Variants in VTI1A observed in about 807,000 individuals in gnomAD.
The protein encoded by VTI1A is vesicle transport through interaction with t-SNAREs homolog 1A.
Under a neutral mutation model 34.9 loss-of-function variants are expected in VTI1A, and 22 were observed. The observed-to-expected ratio is 0.63, with a 90% CI of 0.45 to 0.90. The LOEUF (loss-of-function observed/expected upper bound fraction) is 0.90, where lower values mean the gene tolerates loss of function less well. Ranked by LOEUF, VTI1A falls within the 40% of genes least tolerant of loss-of-function variation. The pLI is 0.00. For missense variants in VTI1A, 268 were observed against 275.6 expected, an observed-to-expected ratio of 0.97 and a Z score of 0.20; for synonymous variants, 87 against 97.3, an observed-to-expected ratio of 0.89 and a Z score of 0.62.
Position 112,588,757 on chromosome 10 carries a change from G to A in VTI1A, c.427+50427G>A, listed in dbSNP as rs535673052. Among the ~76,000 whole-genome samples, 30 of 152,300 alleles carry A rather than the reference G, an allele frequency of 2.0e-4. 1 individual carries two copies. Among genetic ancestry groups the A allele is most frequent in the African/African-American group, 7.0e-4 (29 of 41,562 alleles). Reference sequence around the variant, plus strand: ...GGCCATCATTGTGTGGGACTTTAATGTATTATAGTAAATGTGTTCAACACT... The same window carrying A: ...GGCCATCATTGTGTGGGACTTTAATATATTATAGTAAATGTGTTCAACACT... On this transcript the variant is annotated intron_variant, in intron 5 of 7. Transcript: ENST00000393077.
intron 7 of VTI1A, among the ~76,000 whole-genome samples, chr10:112,733,221 TTTTGC>T (rs1850331625): frequency 6.6e-6 from 1 of 152,196 alleles, no homozygotes; most frequent in Non-Finnish European, 1.5e-5. Context: ...ATTTTTTATT[TTTTGC>T]TTTGCTTTTA....
At chr10:112,854,099 A>T in the VTI1A span, among the ~76,000 whole-genome samples, 1 of 152,102 alleles carries the variant, frequency 6.6e-6, no homozygotes, top group Admixed American at 6.5e-5. Flanking sequence ...TCCTCATATG[A>T]TACTGAGCCA....
chr10:112,687,866 A>G (rs1302262572), intron 7 of VTI1A, among the ~76,000 whole-genome samples: 2 of 151,474 alleles, frequency 1.3e-5, no homozygotes, highest in African/African-American at 4.9e-5. Context: ...GGCCTTGCAG[A>G]TCTGTGAGAA....
rs145501096 is a variant in VTI1A at position 112,710,499 on chromosome 10, G to T, written c.560+41501G>T. Among the ~76,000 whole-genome samples, 1,438 of 152,248 alleles carry T rather than the reference G, an allele frequency of 9.4e-3. 9 individuals carry two copies. Among genetic ancestry groups the T allele is most frequent in the Middle Eastern group, 0.017 (5 of 290 alleles). On this transcript the variant is annotated intron_variant, in intron 7 of 7. Transcript: ENST00000393077. ...TAGGATTACAGGTGTGAGCCACCAC[G>T]CCCGGCTCAGTTAATGTCTCTGAAT...
intron 3 of VTI1A, among the ~76,000 whole-genome samples, chr10:112,522,639 C>T (rs778139191): frequency 1.3e-5 from 2 of 152,022 alleles, no homozygotes; most frequent in Non-Finnish European, 2.9e-5. Context: ...ACGTAGCCAT[C>T]GAATATTTGC....
chr10:112,580,521 T>G (rs1843889573), intron 5 of VTI1A, among the ~76,000 whole-genome samples: 1 of 152,170 alleles, frequency 6.6e-6, no homozygotes, highest in Non-Finnish European at 1.5e-5. Flanking sequence ...ATAACATGGT[T>G]TCACAGTTCT....
At chr10:112,568,524 T>C (rs946862275) in intron 5 of VTI1A, among the ~76,000 whole-genome samples, 1 of 151,500 alleles carries the variant, frequency 6.6e-6, no homozygotes, top group Non-Finnish European at 1.5e-5. Flanking sequence ...AAAAAAAAAT[T>C]GTGATGGAGC....
intron 7 of VTI1A, among the ~76,000 whole-genome samples, chr10:112,778,350 C>G (rs1852013769): frequency 6.6e-6 from 1 of 152,176 alleles, no homozygotes; most frequent in African/African-American, 2.4e-5. Context: ...TCTGCCAAGA[C>G]CATTCACCAT....
the VTI1A span, among the ~76,000 whole-genome samples, chr10:112,830,149 C>A: frequency 6.6e-6 from 1 of 152,142 alleles, no homozygotes; most frequent in Non-Finnish European, 1.5e-5. Context: ...TCCAAGCTCA[C>A]AATAGCCAGG....
chr10:112,789,635 C>T (rs746828820), intron 7 of VTI1A, among the ~76,000 whole-genome samples: 1 of 152,068 alleles, frequency 6.6e-6, no homozygotes, highest in Non-Finnish European at 1.5e-5. Flanking sequence ...CCTTTTTCTT[C>T]TTCAGATTGG....
chr10:112,597,106 A>G (rs1238246910), intron 5 of VTI1A, among the ~76,000 whole-genome samples: 1 of 152,196 alleles, frequency 6.6e-6, no homozygotes, highest in African/African-American at 2.4e-5. Flanking sequence ...TTTGAAGCAA[A>G]CTTGAACTGG....
intron 5 of VTI1A, among the ~76,000 whole-genome samples, chr10:112,539,206 A>G (rs1850768750): frequency 1.3e-5 from 2 of 152,362 alleles, no homozygotes; most frequent in South Asian, 2.1e-4. Context: ...CCACAAAAAT[A>G]TGTAATCAAC....
chr10:112,503,704 A>G lies in VTI1A; in HGVS notation c.265-23383A>G, dbSNP rs1849323605. The stretch of plus-strand genomic sequence containing the variant: ...GAGTATATGATAGAAATCATCTGGT[A>G]TCACTGATTGGTCAGTTTTGAAAGT... On this transcript the variant is annotated intron_variant, in intron 3 of 7. Transcript: ENST00000393077. Among the ~76,000 whole-genome samples the G allele has an allele frequency of 1.3e-5, 2 of 152,244 alleles. 1 individual carries two copies. The highest frequency in any genetic ancestry group is 2.9e-5 in the Non-Finnish European group (2 of 68,032).
At chr10:112,550,617 A>G (rs923172852) in intron 5 of VTI1A, among the ~76,000 whole-genome samples, 7 of 152,160 alleles carry the variant, frequency 4.6e-5, no homozygotes, top group African/African-American at 1.7e-4. Context: ...ATAATTTTTT[A>G]TTGAAGAATA....
At chr10:112,508,574 T>C (rs1427894908) in intron 3 of VTI1A, among the ~76,000 whole-genome samples, 7 of 152,332 alleles carry the variant, frequency 4.6e-5, no homozygotes, top group Admixed American at 4.6e-4. Flanking sequence ...CCACTTAATA[T>C]GACAACCAAG....
At chr10:112,694,428 T>A (rs60562286) in intron 7 of VTI1A, among the ~76,000 whole-genome samples, 7,669 of 151,932 alleles carry the variant, frequency 0.05, 384 homozygotes, top group East Asian at 0.28. Flanking sequence ...ACTTAATGAA[T>A]AAAAGAACAG....
At chr10:112,675,155 C>T (rs1177189684) in intron 7 of VTI1A, among the ~76,000 whole-genome samples, 1 of 152,102 alleles carries the variant, frequency 6.6e-6, no homozygotes, top group Non-Finnish European at 1.5e-5. Flanking sequence ...CTTTTAATAA[C>T]CAAAAAAACT....
At chr10:112,812,484 G>T (rs1397223660) in intron 7 of VTI1A, among the ~76,000 whole-genome samples, 1 of 152,190 alleles carries the variant, frequency 6.6e-6, no homozygotes, top group Non-Finnish European at 1.5e-5. Context: ...CCCTGGCTGC[G>T]ATTGCAACTA....
At chr10:112,612,653 G>A (rs1158357824) in intron 5 of VTI1A, among the ~76,000 whole-genome samples, 4 of 152,076 alleles carry the variant, frequency 2.6e-5, no homozygotes, top group Admixed American at 2.6e-4. Flanking sequence ...AGAACTCCCA[G>A]CCTGAAGTGA....
Sources: gnomAD v4.1 joint callset for allele counts (sites outside exome capture counted in the v4.1 genomes callset) on GRCh38, gnomAD v4.1.1 for gene constraint, MANE v1.5 for transcripts, NCBI Gene and HGNC (gene_info 2026-07-23, HGNC 2026-07-21) for gene names.